The following ACBD5 variants were observed in gnomAD, a reference collection of about 807,000 sequenced individuals.
ACBD5 encodes acyl-CoA-binding domain-containing protein 5.
A neutral mutation model predicts 71.8 loss-of-function variants in ACBD5; 40 were observed. The ratio of observed to expected loss-of-function variants is 0.56; its 90% CI spans 0.43 to 0.72. The LOEUF (loss-of-function observed/expected upper bound fraction) is 0.72, where lower values mean the gene tolerates loss of function less well. ACBD5 is among the 30% of genes least tolerant of loss of function. The probability of loss-of-function intolerance (pLI) is 0.00; values close to 1 mark genes in which losing one functional copy is unlikely to be tolerated. For synonymous variants in ACBD5, 229 were observed against 218.6 expected (o/e 1.05, Z -0.42); for missense variants, 559 against 644.5 (o/e 0.87, Z 1.44).
At chr10:27,193,788 T>C (rs2059183145), downstream of ACBD5, among the ~76,000 whole-genome samples, 1 of 152,186 alleles carries the variant, frequency 6.6e-6, no homozygotes, top group South Asian at 2.1e-4. Context: ...TGGAAGCACC[T>C]TCCCGGCCCT....
intron 12 of ACBD5, among the ~76,000 whole-genome samples, chr10:27,201,964 A>C (rs544908513): frequency 6.6e-6 from 1 of 152,244 alleles, no homozygotes; most frequent in African/African-American, 2.4e-5. Flanking sequence ...ACATTTATTG[A>C]GCACCTACTA....
chr10:27,198,254 G>T (rs914279874), intron 12 of ACBD5, among the ~76,000 whole-genome samples: 1 of 152,150 alleles, frequency 6.6e-6, no homozygotes, highest in African/African-American at 2.4e-5. Flanking sequence ...GGTGGGGGAG[G>T]AAGAGGCATA....
chr10:27,219,020 G>A (rs2061995715), intron 6 of ACBD5, among the ~76,000 whole-genome samples: 1 of 152,128 alleles, frequency 6.6e-6, no homozygotes, highest in South Asian at 2.1e-4. Context: ...TATGCCTGTA[G>A]GCCGGGTGCG....
chr10:27,228,638 C>T (rs889495260), intron 4 of ACBD5, among the ~76,000 whole-genome samples: 2 of 151,202 alleles, frequency 1.3e-5, no homozygotes. Context: ...TGCATTTCTC[C>T]CACTCCTCAA....
intron 3 of ACBD5, among the ~76,000 whole-genome samples, chr10:27,234,353 A>G (rs982811377): frequency 6.6e-6 from 1 of 152,198 alleles, no homozygotes; most frequent in Non-Finnish European, 1.5e-5. Flanking sequence ...TTAGCATGGC[A>G]GTACCTGAGT....
chr10:27,195,311 G>A lies in ACBD5; in HGVS notation c.*2119C>T, dbSNP rs1390214871. On this transcript the variant is annotated 3_prime_UTR_variant, in exon 13 of 13. Transcript: ENST00000396271. ...ACCATAGCTGTCAAGTTTAAATGAG[G>A]TTCTTATTAAACAAAGCAGGAACAC... 1.1e-5 allele frequency: 5 copies of A among 447,466 alleles called. No homozygotes were observed. Among genetic ancestry groups the A allele is most frequent in the African/African-American group, 1.0e-4 (5 of 49,622 alleles). 27.7% of individuals were successfully genotyped at this position (447,466 alleles called of 1,614,324 possible).
At position 27,211,071 on chromosome 10, in the gene ACBD5, C is replaced by A; in HGVS notation, c.947G>T (p.Ser316Ile). ...EQFGQEESLD[S>I]FTSNNGPFQY... Reference sequence around the variant, plus strand: ...AAATGGTCCATTGTTGGACGTAAAGCTGTCTAAAGACTACAAATTAGAAAT... The same window carrying A: ...AAATGGTCCATTGTTGGACGTAAAGATGTCTAAAGACTACAAATTAGAAAT... The change falls in exon 9 of 13, where the codon AGC becomes ATC. Residue 316 changes from serine to isoleucine, a missense_variant. Coordinates refer to ENST00000396271, the MANE Select transcript of ACBD5 (RefSeq NM_145698.5). 6.2e-7 allele frequency: 1 copy of A among 1,614,112 alleles called. No individual in the cohort carries two copies. Among genetic ancestry groups the A allele is most frequent in the Non-Finnish European group, 8.5e-7 (1 of 1,180,028 alleles).
chr10:27,185,366 C>A (rs185704300), intron 13 of ACBD5, among the ~76,000 whole-genome samples: 7 of 152,194 alleles, frequency 4.6e-5, no homozygotes, highest in Admixed American at 3.9e-4. Context: ...GGCGCGGTGG[C>A]TCACACCTAT....
chr10:27,215,632 T>C lies in ACBD5; in HGVS notation c.839A>G (p.Asp280Gly). 6.2e-7 allele frequency: 1 copy of C among 1,608,820 alleles called. No homozygotes were observed. The highest frequency in any genetic ancestry group is 8.5e-7 in the Non-Finnish European group (1 of 1,175,728). Residue 280 changes from aspartate to glycine, a missense_variant, in exon 8 of 13, where the codon GAT becomes GGT. By Grantham distance (94) the Asp-to-Gly change is moderately conservative. Coordinates refer to ENST00000396271, the MANE Select transcript of ACBD5 (RefSeq NM_145698.5). ...TCCTGTAACATCTTCAACATGATCA[T>C]CATTTATATCTAAATATGAACAAAA... Reference protein sequence around the residue: ...SAVCIHQDINDDHVEDVTGIQ... With the variant: ...SAVCIHQDINGDHVEDVTGIQ...
At chr10:27,226,210 T>C (rs1052123582) in intron 4 of ACBD5, among the ~76,000 whole-genome samples, 2 of 152,218 alleles carry the variant, frequency 1.3e-5, no homozygotes, top group African/African-American at 4.8e-5. Flanking sequence ...TACAAGGGTA[T>C]ACTGTGTGAT....
intron 9 of ACBD5, among the ~76,000 whole-genome samples, chr10:27,209,943 A>C (rs2060886253): frequency 6.6e-6 from 1 of 152,232 alleles, no homozygotes; most frequent in Non-Finnish European, 1.5e-5. Context: ...TGTTACAAAC[A>C]AAATTGCAGT....
At chr10:27,239,733 A>C (rs1431038141) in intron 2 of ACBD5, among the ~76,000 whole-genome samples, 1 of 103,710 alleles carries the variant, frequency 9.6e-6, no homozygotes, top group Non-Finnish European at 2.1e-5. Context: ...TCCCCAGCCT[A>C]GATTTTTGTT....
intron 13 of ACBD5, chr10:27,186,878 G>C (rs1345753869): frequency 1.3e-5 from 4 of 306,772 alleles, no homozygotes; most frequent in Non-Finnish European, 2.5e-5. Context: ...TCAGTTCACT[G>C]TTCAGTTTAG....
chr10:27,194,077 C>A (rs1158268237), downstream of ACBD5, among the ~76,000 whole-genome samples: 1 of 151,220 alleles, frequency 6.6e-6, no homozygotes. Flanking sequence ...ATGGAGAAAC[C>A]CTGTCTCTAC....
intron 8 of ACBD5, among the ~76,000 whole-genome samples, chr10:27,215,080 C>A (rs1252970152): frequency 3.9e-5 from 6 of 152,066 alleles, no homozygotes; most frequent in Middle Eastern, 3.2e-3. Context: ...AGGAGAATTG[C>A]TTGAACCTAG....
chr10:27,196,440 TC>T lies in ACBD5; in HGVS notation c.*989del, dbSNP rs1247740693. On this transcript the variant is annotated 3_prime_UTR_variant, in exon 13 of 13. Coordinates refer to ENST00000396271, the MANE Select transcript of ACBD5 (RefSeq NM_145698.5). ...GTTAGCTTGCAAATCCCTCCAGTAC[TC>T]CTGTGAAGTAGGTGTATCTAAAATA... 2.2e-6 allele frequency: 1 copy of T among 454,438 alleles called. No individual in the cohort carries two copies. Among genetic ancestry groups the T allele is most frequent in the Admixed American group, 2.4e-5 (1 of 42,552 alleles). 28.2% of individuals were successfully genotyped at this position (454,438 alleles called of 1,614,324 possible).
chr10:27,200,002 A>AT (rs1429415448), intron 12 of ACBD5, among the ~76,000 whole-genome samples: 1 of 151,930 alleles, frequency 6.6e-6, no homozygotes, highest in African/African-American at 2.4e-5. Context: ...AAAAAAAAAA[A>AT]GGAAAACTGG....
intron 13 of ACBD5, among the ~76,000 whole-genome samples, chr10:27,188,653 C>T (rs1468096343): frequency 6.6e-6 from 1 of 152,174 alleles, no homozygotes; most frequent in East Asian, 1.9e-4. Context: ...ACAGACCTAG[C>T]ATGTGAAGCT....
Position 27,196,376 on chromosome 10 carries a change from T to C in ACBD5, c.*1054A>G, listed in dbSNP as rs566528564. The C allele has an allele frequency of 1.8e-4, 82 of 454,090 alleles. No individual in the cohort carries two copies. Among genetic ancestry groups the C allele is most frequent in the Non-Finnish European group, 3.0e-4 (67 of 226,776 alleles). The allele number at this position is 454,090 out of a possible 1,614,324, so 28.1% of individuals were successfully genotyped here. A position where few individuals can be genotyped will look rare whatever the true frequency, so the allele number is the denominator to read the frequency against. Reference sequence around the variant, plus strand: ...GGGGAAGAGGGACTTAAATTTCTGTTAGCTGGGCATGCCTTATTCCTATGG... The same window carrying C: ...GGGGAAGAGGGACTTAAATTTCTGTCAGCTGGGCATGCCTTATTCCTATGG... On this transcript the variant is annotated 3_prime_UTR_variant, in exon 13 of 13. Coordinates refer to ENST00000396271, the MANE Select transcript of ACBD5 (RefSeq NM_145698.5).
Sources: allele counts gnomAD v4.1 joint callset (sites outside exome capture counted in the v4.1 genomes callset), GRCh38; gene constraint gnomAD v4.1.1; transcripts MANE v1.5; gene names NCBI Gene and HGNC (gene_info 2026-07-23, HGNC 2026-07-21).